CEP44: variants seen among roughly 807,000 people sequenced by gnomAD.
CEP44 encodes the protein centrosomal protein 44.
Under a neutral mutation model 46.7 loss-of-function variants are expected in CEP44, and 45 were observed. The observed-to-expected ratio is 0.96, with a 90% confidence interval of 0.76 to 1.24. The LOEUF (loss-of-function observed/expected upper bound fraction) is 1.24. Among genes scored for constraint, CEP44 ranks in the 50% most tolerant of loss-of-function variants. The pLI, the probability that CEP44 is intolerant of heterozygous loss-of-function variation, is 0.00. For synonymous variants in CEP44, 142 were observed against 146.0 expected, an observed-to-expected ratio of 0.97 and a Z score of 0.20; for missense variants, 475 against 459.7, an observed-to-expected ratio of 1.03 and a Z score of -0.30.
intron 1 of CEP44, among the ~76,000 whole-genome samples, chr4:174,295,033 A>AC (rs531448840): frequency 3.2e-3 from 376 of 117,186 alleles, no homozygotes; most frequent in Middle Eastern, 6.1e-3. Flanking sequence ...CGGGGGGCTG[A>AC]CCCCCCCACC....
Position 174,331,808 on chromosome 4 carries a change from C to A in CEP44, c.*213C>A. On this transcript the variant is annotated 3_prime_UTR_variant, in exon 9 of 9. Coordinates refer to the CEP44 transcript ENST00000426172. This position sits in a 1 kb window ranked among gnomAD's most constrained non-coding sequence, Gnocchi z 4.5. ...TAATTTCTATTTTCCAGAAATTTCT[C>A]AAAATGTCTGCTGATAGCCCCTCAC... is the stretch of plus-strand genomic sequence containing the variant. 1 of 530,624 alleles carries A rather than the reference C, an allele frequency of 1.9e-6. No homozygotes were observed. The allele number at this position is 530,624 out of a possible 1,614,324, so 32.9% of individuals were successfully genotyped here.
chr4:174,291,332 A>G (rs1033993601), intron 1 of CEP44, among the ~76,000 whole-genome samples: 1 of 151,838 alleles, frequency 6.6e-6, no homozygotes, highest in African/African-American at 2.4e-5. Flanking sequence ...TGGGGTTTGC[A>G]TCAAATATTA....
At position 174,319,564 on chromosome 4, in the gene CEP44, A is replaced by T. The variant is rs1742107889; in HGVS notation, c.*2181A>T. The T allele has an allele frequency of 8.6e-6, 7 of 809,628 alleles. No homozygotes were observed. Among genetic ancestry groups the T allele is most frequent in the Non-Finnish European group, 1.0e-5 (7 of 669,814 alleles). 50.2% of individuals were successfully genotyped at this position (809,628 alleles called of 1,614,324 possible). ...TTATATAGTGCAGATATACACACAG[A>T]GAAGGGACTTAAAACATTTCTAATC... On this transcript the variant is annotated 3_prime_UTR_variant, in exon 12 of 12. Coordinates refer to ENST00000503780, the MANE Select transcript of CEP44 (RefSeq NM_001040157.3).
intron 6 of CEP44, among the ~76,000 whole-genome samples, chr4:174,307,371 C>G (rs1399815126): frequency 1.3e-5 from 2 of 152,168 alleles, no homozygotes; most frequent in Admixed American, 6.5e-5. Flanking sequence ...AAAGGATTCC[C>G]TAGTCAGTAA....
intron 1 of CEP44, chr4:174,284,211 A>G (rs992942340): frequency 2.5e-6 from 1 of 397,464 alleles, no homozygotes; most frequent in South Asian, 1.4e-4. Flanking sequence ...CCGTCCTTAC[A>G]GAGACCCCGG....
Position 174,290,671 on chromosome 4 carries a change from T to C in CEP44, c.-148+6728T>C, listed in dbSNP as rs1412171090. 6.6e-6 allele frequency among the ~76,000 whole-genome samples: 1 copy of C among 152,148 alleles called. No individual in the cohort carries two copies. The highest frequency in any genetic ancestry group is 1.5e-5 in the Non-Finnish European group (1 of 68,018). On this transcript the variant is annotated intron_variant, in intron 1 of 11. Transcript: ENST00000503780. This position sits in a 1 kb window ranked among gnomAD's most constrained non-coding sequence, Gnocchi z 4.3. ...CCTTCTGTATTGTATTGATATCTAT[T>C]TCTTCCTCCAATTCTATCAATATTT... is the stretch of plus-strand genomic sequence containing the variant.
At chr4:174,291,414 C>A (rs932104204) in intron 1 of CEP44, among the ~76,000 whole-genome samples, 1 of 152,174 alleles carries the variant, frequency 6.6e-6, no homozygotes, top group East Asian at 1.9e-4. Context: ...CTTCTCCCCC[C>A]TCTTCCTCAC....
rs191779029 is a variant in CEP44, at chr4:174,312,825, A to G, written c.961+1967A>G. The stretch of plus-strand genomic sequence containing the variant: ...TGATTTCATTTGAATGCAGAGAGCA[A>G]TAATTTACTACTCTGGGTTTAGGAT... On this transcript the variant is annotated intron_variant, in intron 9 of 11. Coordinates refer to ENST00000503780, the MANE Select transcript of CEP44 (RefSeq NM_001040157.3). The surrounding 1 kb of genome is among the most constrained non-coding windows in gnomAD (Gnocchi z 4.5). 2.6e-4 allele frequency among the ~76,000 whole-genome samples: 40 copies of G among 152,324 alleles called. No individual in the cohort carries two copies. Among genetic ancestry groups the G allele is most frequent in the African/African-American group, 9.4e-4 (39 of 41,570 alleles).
chr4:174,313,317 G>A (rs1235146203), intron 9 of CEP44, among the ~76,000 whole-genome samples: 3 of 150,744 alleles, frequency 2.0e-5, no homozygotes, highest in African/African-American at 4.9e-5. Flanking sequence ...GGCACCAACT[G>A]TTAGTGCTCC....
chr4:174,315,218 T>C (rs1741523051), intron 9 of CEP44, among the ~76,000 whole-genome samples: 1 of 150,992 alleles, frequency 6.6e-6, no homozygotes, highest in Non-Finnish European at 1.5e-5. Context: ...TGAACCAATT[T>C]AAATGGGTGT....
At chr4:174,327,745 C>T (rs766194656) in intron 8 of CEP44, among the ~76,000 whole-genome samples, 33 of 151,898 alleles carry the variant, frequency 2.2e-4, no homozygotes, top group Admixed American at 1.6e-3. Flanking sequence ...TTTATATGGA[C>T]GGGGTGTGTG....
intron 3 of CEP44, among the ~76,000 whole-genome samples, chr4:174,299,732 G>A (rs1006431825): frequency 3.3e-5 from 5 of 152,044 alleles, no homozygotes; most frequent in African/African-American, 7.2e-5. Context: ...TGAAGATTGC[G>A]CTTAAGCTCT....
intron 1 of CEP44, among the ~76,000 whole-genome samples, chr4:174,295,308 G>A (rs923295611): frequency 7.2e-5 from 11 of 151,772 alleles, no homozygotes; most frequent in East Asian, 2.0e-4. Context: ...CCTCCCAGAC[G>A]GGGTCGCGGC....
At chr4:174,284,039 G>A (rs2126462060) in intron 1 of CEP44, 96 bp downstream of exon 1, 2 of 399,418 alleles carry the variant, frequency 5.0e-6, no homozygotes, top group East Asian at 3.6e-5. Context: ...ACTGGTTGCG[G>A]GAGGCTGGAC....
In CEP44 at chr4:174,331,534, T is replaced by G. The variant is rs1199072036; in HGVS notation, c.1139T>G (p.Leu380Arg). 6.4e-7 allele frequency: 1 copy of G among 1,551,534 alleles called. No individual in the cohort carries two copies. The highest frequency in any genetic ancestry group is 1.4e-5 in the African/African-American group (1 of 73,050). ...TCTTGTTCCAGTCTCAGCTGGCTGC[T>G]CCGTGGGCATACTTCATACCTTTCA... Residue 380 changes from leucine (L) to arginine (R), a missense_variant, in exon 9 of 9, where the codon CTC (leucine) becomes CGC (arginine). Coordinates refer to the CEP44 transcript ENST00000426172. The surrounding 1 kb of genome is among the most constrained non-coding windows in gnomAD (Gnocchi z 4.5).
In CEP44 at chr4:174,303,698, T is replaced by C. The variant is rs776420393; in HGVS notation, c.238-5T>C. ...AATTATTACAAGAGTCTGTTTCCTC[T>C]GCAGCTTCTTCGTGATCAATTTAAT... On this transcript the variant is annotated splice_region_variant and splice_polypyrimidine_tract_variant and intron_variant, in intron 4 of 11. Coordinates refer to ENST00000503780, the MANE Select transcript of CEP44 (RefSeq NM_001040157.3). 4.0e-6 allele frequency: 6 copies of C among 1,516,436 alleles called. No individual in the cohort carries two copies. The highest frequency in any genetic ancestry group is 1.8e-5 in the Admixed American group (1 of 56,838). The allele number at this position is 1,516,436 out of a possible 1,614,324, so 93.9% of individuals were successfully genotyped here. A position where few individuals can be genotyped will look rare whatever the true frequency, so the allele number is the denominator to read the frequency against.
At chr4:174,321,182 T>C (rs1417666083), downstream of CEP44, among the ~76,000 whole-genome samples, 1 of 152,196 alleles carries the variant, frequency 6.6e-6, no homozygotes, top group African/African-American at 2.4e-5. Flanking sequence ...AAGACATTTG[T>C]AGGTACTTTA....
downstream of CEP44, among the ~76,000 whole-genome samples, chr4:174,322,272 T>C (rs1056954135): frequency 1.3e-5 from 2 of 152,162 alleles, no homozygotes; most frequent in Non-Finnish European, 2.9e-5. Flanking sequence ...TTTTATATAC[T>C]ATGCTTTTCC....
At chr4:174,295,078 G>A (rs1342763618) in intron 1 of CEP44, among the ~76,000 whole-genome samples, 1 of 149,986 alleles carries the variant, frequency 6.7e-6, no homozygotes, top group Non-Finnish European at 1.5e-5. Context: ...CGGGCGGGGG[G>A]CTGATCCCCC....
Sources: gnomAD v4.1 joint callset for allele counts (sites outside exome capture counted in the v4.1 genomes callset) on GRCh38, gnomAD v4.1.1 for gene constraint, Gnocchi (gnomAD v3.1) non-coding constraint, MANE v1.5 for transcripts, NCBI Gene and HGNC (gene_info 2026-07-23, HGNC 2026-07-21) for gene names.